FCHSD2: variants seen among roughly 807,000 people sequenced by gnomAD.
FCHSD2 encodes F-BAR and double SH3 domains protein 2.
In FCHSD2, 38 loss-of-function variants were observed where a neutral mutation model predicts 108.1. That is an observed-to-expected ratio of 0.35 (90% CI 0.27 to 0.46). FCHSD2 has a LOEUF of 0.46. FCHSD2 is among the 20% of genes least tolerant of loss of function. FCHSD2 has a pLI of 1.00. For synonymous variants in FCHSD2, 279 were observed against 314.7 expected (o/e 0.89, Z 1.20); for missense variants, 751 against 897.8 (o/e 0.84, Z 2.09).
At chr11:73,068,837 A>C in intron 3 of FCHSD2, among the ~76,000 whole-genome samples, 1 of 150,590 alleles carries the variant, frequency 6.6e-6, no homozygotes, top group Non-Finnish European at 1.5e-5. Context: ...AAAAAAGAAA[A>C]AGAAAAAAAA....
At chr11:72,986,422 G>A (rs1406846867) in intron 6 of FCHSD2, among the ~76,000 whole-genome samples, 1 of 152,112 alleles carries the variant, frequency 6.6e-6, no homozygotes, top group Non-Finnish European at 1.5e-5. Flanking sequence ...TGTTAGCCAG[G>A]ATGGTCTCAA....
chr11:72,843,324 C>A lies in FCHSD2; in HGVS notation c.1532G>T (p.Arg511Leu). Reference sequence around the variant, plus strand: ...ATAACCCACTTGGCCAACTTTATTTCGAGCCTGGGTAAAAGACATGTGACA... The same window carrying A: ...ATAACCCACTTGGCCAACTTTATTTAGAGCCTGGGTAAAAGACATGTGACA... ...DGDMEDWVKA[R>L]NKVGQVGYVP... The change falls in exon 16 of 20, where the codon CGA becomes CTA. Residue 511 changes from arginine (R) to leucine (L), a missense_variant. By Grantham distance (102) the Arg-to-Leu change is moderately radical. Transcript: ENST00000409418. The A allele has an allele frequency of 6.2e-7, 1 of 1,613,254 alleles. No homozygotes were observed. Among genetic ancestry groups the A allele is most frequent in the South Asian group, 1.1e-5 (1 of 91,066 alleles).
intron 9 of FCHSD2, among the ~76,000 whole-genome samples, chr11:72,907,244 G>C (rs1256823922): frequency 2.6e-5 from 4 of 152,274 alleles, no homozygotes; most frequent in African/African-American, 9.6e-5. Context: ...CTGAGACAAT[G>C]GGGTTTTCTA....
At chr11:72,935,842 C>T (rs1245482583) in intron 8 of FCHSD2, among the ~76,000 whole-genome samples, 1 of 152,182 alleles carries the variant, frequency 6.6e-6, no homozygotes, top group Non-Finnish European at 1.5e-5. Context: ...CTGTAAATTA[C>T]AAAACCAGGA....
intron 3 of FCHSD2, among the ~76,000 whole-genome samples, chr11:73,048,421 A>C (rs1858817937): frequency 6.6e-6 from 1 of 152,232 alleles, no homozygotes; most frequent in Non-Finnish European, 1.5e-5. Flanking sequence ...CTGTGTATGG[A>C]CCAGCTATTG....
Position 72,940,785 on chromosome 11 carries a change from A to C in FCHSD2, c.706-18835T>G, listed in dbSNP as rs770545977. The C allele has an allele frequency of 1.3e-4, 108 of 849,378 alleles. 1 individual carries two copies. The highest frequency in any genetic ancestry group is 2.1e-4 in the Non-Finnish European group (106 of 496,538). 52.6% of individuals were successfully genotyped at this position (849,378 alleles called of 1,614,324 possible). A position where few individuals can be genotyped will look rare whatever the true frequency, so the allele number is the denominator to read the frequency against. The stretch of plus-strand genomic sequence containing the variant: ...GTGTTAATCAGCTAAAGTTTGCCTG[A>C]AGCCTTCAGTGCGTTGCAGAGGAGT... On this transcript the variant is annotated intron_variant, in intron 8 of 19. Coordinates refer to ENST00000409418, the MANE Select transcript of FCHSD2 (RefSeq NM_014824.3).
chr11:72,896,639 T>A (rs1367578558), intron 10 of FCHSD2, among the ~76,000 whole-genome samples: 1 of 151,984 alleles, frequency 6.6e-6, no homozygotes, highest in Non-Finnish European at 1.5e-5. Context: ...CTTTTAGTGA[T>A]CAATCCAATA....
At chr11:73,141,430 A>G (rs540918860) in intron 1 of FCHSD2, 1 of 181,592 alleles carries the variant, frequency 5.5e-6, no homozygotes, top group African/African-American at 2.4e-5. Context: ...AAATTTGCAA[A>G]CGGGCGGGGC....
Position 72,837,563 on chromosome 11 carries a change from C to A in FCHSD2, c.*1228G>T, listed in dbSNP as rs1296864680. The A allele has an allele frequency of 1.3e-5, 2 of 152,150 alleles. No individual in the cohort carries two copies. Among genetic ancestry groups the A allele is most frequent in the Non-Finnish European group, 2.9e-5 (2 of 68,026 alleles). The allele number at this position is 152,150 out of a possible 1,614,324, so 9.4% of individuals were successfully genotyped here. ...AGGAGCGGACAGCAGACAGTCAGCA[C>A]CTGACGTGGGGGCACCTGCTGCTGC... On this transcript the variant is annotated 3_prime_UTR_variant, in exon 20 of 20. Coordinates refer to ENST00000409418, the MANE Select transcript of FCHSD2 (RefSeq NM_014824.3).
Position 72,902,628 on chromosome 11 carries a change from T to C in FCHSD2, c.839A>G (p.Asp280Gly), listed in dbSNP as rs751010690. The C allele has an allele frequency of 3.2e-6, 5 of 1,569,632 alleles. No homozygotes were observed. In the East Asian group the frequency reaches 1.2e-4, roughly 36 times the overall value. Residue 280 changes from aspartate (D) to glycine (G), a missense_variant, in exon 10 of 20, where the codon GAC becomes GGC. Transcript: ENST00000409418. Reference sequence around the variant, plus strand: ...TTGCAAAAACAGCTGAAGATTGTAGTCCCGGACCACCTAAAGAGAAAATAA... The same window carrying C: ...TTGCAAAAACAGCTGAAGATTGTAGCCCCGGACCACCTAAAGAGAAAATAA... ...LLENSSKVVR[D>G]YNLQLFLQEN...
chr11:72,967,026 A>G (rs1431169878), intron 8 of FCHSD2, among the ~76,000 whole-genome samples: 3 of 151,836 alleles, frequency 2.0e-5, no homozygotes, highest in Non-Finnish European at 4.4e-5. Flanking sequence ...GTGAAACCCC[A>G]TCTCTACTAA....
chr11:72,908,811 C>T (rs1010123826), intron 9 of FCHSD2, among the ~76,000 whole-genome samples: 5 of 152,050 alleles, frequency 3.3e-5, no homozygotes, highest in Non-Finnish European at 5.9e-5. Flanking sequence ...TGCCACTATG[C>T]CCCGCTATAG....
chr11:73,057,308 A>T (rs1176197955), intron 3 of FCHSD2, among the ~76,000 whole-genome samples: 1 of 152,058 alleles, frequency 6.6e-6, no homozygotes, highest in Non-Finnish European at 1.5e-5. Context: ...TGAGGCCACT[A>T]GGAGAAGCAA....
Position 72,945,227 on chromosome 11 carries a change from C to T in FCHSD2, c.706-23277G>A, listed in dbSNP as rs1451628886. On this transcript the variant is annotated intron_variant, in intron 8 of 19. Coordinates refer to ENST00000409418, the MANE Select transcript of FCHSD2 (RefSeq NM_014824.3). ...TATAGACCAATGGAACAGAACAGAG[C>T]CCTCAGAAATAATGCCGCATATCTA... 3.3e-5 allele frequency among the ~76,000 whole-genome samples: 5 copies of T among 152,198 alleles called. No individual in the cohort carries two copies. The East Asian group carries it at 9.6e-4, about 29-fold the overall frequency.
intron 3 of FCHSD2, among the ~76,000 whole-genome samples, chr11:73,076,128 A>T (rs1187032452): frequency 6.6e-6 from 1 of 152,182 alleles, no homozygotes; most frequent in Non-Finnish European, 1.5e-5. Context: ...CTCAAAAACA[A>T]ACAAAAAAAT....
chr11:72,916,856 G>A (rs1426675262), intron 9 of FCHSD2, among the ~76,000 whole-genome samples: 1 of 152,030 alleles, frequency 6.6e-6, no homozygotes, highest in Non-Finnish European at 1.5e-5. Flanking sequence ...AGAATGCACT[G>A]CCAAATCAAG....
chr11:73,068,229 TA>T (rs1210577266), intron 3 of FCHSD2, among the ~76,000 whole-genome samples: 4 of 151,884 alleles, frequency 2.6e-5, no homozygotes, highest in African/African-American at 7.2e-5. Flanking sequence ...ATTTCTTCTT[TA>T]AAAATATGCC....
intron 12 of FCHSD2, among the ~76,000 whole-genome samples, chr11:72,881,237 A>G (rs1367505724): frequency 6.6e-6 from 1 of 152,232 alleles, no homozygotes; most frequent in African/African-American, 2.4e-5. Context: ...ACTTTTCTCA[A>G]AAGAAGACAT....
At chr11:73,047,061 AAAGAC>A (rs1201300745) in intron 3 of FCHSD2, among the ~76,000 whole-genome samples, 2 of 152,182 alleles carry the variant, frequency 1.3e-5, no homozygotes, top group African/African-American at 2.4e-5. Flanking sequence ...ATTAAATATA[AAAGAC>A]AAGATGCAGA....
Sources: gnomAD v4.1 joint callset for allele counts (sites outside exome capture counted in the v4.1 genomes callset) on GRCh38, gnomAD v4.1.1 for gene constraint, MANE v1.5 for transcripts, NCBI Gene and HGNC (gene_info 2026-07-23, HGNC 2026-07-21) for gene names.